ROBO1: variants seen among roughly 807,000 people sequenced by gnomAD.
ROBO1 encodes roundabout guidance receptor 1.
A neutral mutation model predicts 195.9 loss-of-function variants in ROBO1; 149 were observed. The observed-to-expected ratio is 0.76, with a 90% CI of 0.67 to 0.87. The LOEUF (loss-of-function observed/expected upper bound fraction) is 0.87, where lower values mean the gene tolerates loss of function less well. ROBO1 is among the 40% of genes least tolerant of loss of function. The pLI is 0.00. For missense variants in ROBO1, 1,933 were observed against 2,068.3 expected (o/e 0.93, Z 1.27); for synonymous variants, 816 against 733.2 (o/e 1.11, Z -1.82).
At chr3:79,482,359 T>C (rs1237431763) in intron 2 of ROBO1, among the ~76,000 whole-genome samples, 2 of 152,146 alleles carry the variant, frequency 1.3e-5, no homozygotes, top group African/African-American at 2.4e-5. Context: ...AGGGATCTGG[T>C]GGGAGATAAT....
intron 4 of ROBO1, among the ~76,000 whole-genome samples, chr3:78,900,529 T>C (rs1456853362): frequency 6.6e-6 from 1 of 152,288 alleles, no homozygotes; most frequent in Admixed American, 6.5e-5. Flanking sequence ...AAAATATTTA[T>C]GTTAACAAAT....
intron 4 of ROBO1, among the ~76,000 whole-genome samples, chr3:78,779,799 T>G (rs1258876768): frequency 6.6e-6 from 1 of 152,172 alleles, no homozygotes; most frequent in African/African-American, 2.4e-5. Flanking sequence ...TAAAGACATA[T>G]GCACACATAT....
chr3:78,717,865 T>C lies in ROBO1; in HGVS notation c.676A>G (p.Met226Val). 6.2e-7 allele frequency: 1 copy of C among 1,613,632 alleles called. No homozygotes were observed. Among genetic ancestry groups the C allele is most frequent in the Non-Finnish European group, 8.5e-7 (1 of 1,179,670 alleles). The change falls in exon 6 of 31, where the codon ATG becomes GTG. Residue 226 changes from methionine (M) to valine (V), a missense_variant. Met to Val is a conservative substitution (Grantham distance 21, BLOSUM62 1). Coordinates refer to ENST00000464233, the MANE Select transcript of ROBO1 (RefSeq NM_002941.4). ...TCACTTTTACGGGTGTAAGTGATCA[T>C]GAGCTTTCCTCCTCGTATCTTAAAA... is the stretch of plus-strand genomic sequence containing the variant. Reference protein sequence around the residue: ...ERITIRGGKLMITYTRKSDAG... With the variant: ...ERITIRGGKLVITYTRKSDAG...
chr3:78,926,574 A>C (rs1335282561), intron 4 of ROBO1, among the ~76,000 whole-genome samples: 1 of 152,186 alleles, frequency 6.6e-6, no homozygotes, highest in Non-Finnish European at 1.5e-5. Context: ...AGGAATGAGA[A>C]GCAAGATGAA....
At chr3:79,296,423 T>G (rs1031147308) in intron 2 of ROBO1, among the ~76,000 whole-genome samples, 7 of 151,868 alleles carry the variant, frequency 4.6e-5, no homozygotes, top group Non-Finnish European at 5.9e-5. Context: ...GTGTAGACTC[T>G]GCCATAGAAA....
At chr3:79,427,287 T>G (rs2038485671) in intron 2 of ROBO1, among the ~76,000 whole-genome samples, 1 of 152,134 alleles carries the variant, frequency 6.6e-6, no homozygotes, top group African/African-American at 2.4e-5. Context: ...GATGCTAACA[T>G]TTTCAGTTTA....
chr3:79,066,636 C>A (rs1218915642), intron 3 of ROBO1, among the ~76,000 whole-genome samples: 1 of 151,768 alleles, frequency 6.6e-6, no homozygotes, highest in African/African-American at 2.4e-5. Context: ...CTGATTTTAT[C>A]AGTGAAAACT....
intron 2 of ROBO1, among the ~76,000 whole-genome samples, chr3:79,277,458 T>A (rs1031995043): frequency 3.9e-5 from 6 of 151,934 alleles, no homozygotes; most frequent in African/African-American, 1.4e-4. Context: ...AGGATGATGG[T>A]TTTCAGAGGC....
At chr3:79,161,308 G>C (rs577516138) in intron 2 of ROBO1, among the ~76,000 whole-genome samples, 37 of 152,176 alleles carry the variant, frequency 2.4e-4, no homozygotes, top group African/African-American at 8.7e-4. Flanking sequence ...GAGTAAGAAA[G>C]AAATCCATGG....
At chr3:79,517,695 C>A (rs750300231) in intron 2 of ROBO1, among the ~76,000 whole-genome samples, 1 of 152,090 alleles carries the variant, frequency 6.6e-6, no homozygotes, top group Non-Finnish European at 1.5e-5. Context: ...TGAAAATATT[C>A]TTTTAGAATG....
intron 3 of ROBO1, among the ~76,000 whole-genome samples, chr3:79,096,557 CTG>C (rs1249227898): frequency 1.3e-5 from 2 of 151,484 alleles, no homozygotes; most frequent in Non-Finnish European, 1.5e-5. Flanking sequence ...TTCAGGCAAA[CTG>C]AAGGTTTTGG....
chr3:79,118,640 C>T (rs1033277118), intron 3 of ROBO1, among the ~76,000 whole-genome samples: 32 of 152,096 alleles, frequency 2.1e-4, no homozygotes, highest in Non-Finnish European at 3.8e-4. Context: ...GAGGCTGAGG[C>T]AGGTGGATCA....
At chr3:78,753,845 T>C (rs2082860331) in intron 4 of ROBO1, among the ~76,000 whole-genome samples, 1 of 152,216 alleles carries the variant, frequency 6.6e-6, no homozygotes, top group Non-Finnish European at 1.5e-5. Context: ...ATGGCTAAAA[T>C]CATATGTTCT....
chr3:79,471,150 C>A (rs1938250496), intron 2 of ROBO1, among the ~76,000 whole-genome samples: 2 of 151,960 alleles, frequency 1.3e-5, no homozygotes, highest in African/African-American at 4.8e-5. Flanking sequence ...ATACAAAAAT[C>A]AAATCAGAAA....
chr3:79,257,289 A>G (rs2082851854), intron 2 of ROBO1, among the ~76,000 whole-genome samples: 1 of 152,178 alleles, frequency 6.6e-6, no homozygotes, highest in South Asian at 2.1e-4. Flanking sequence ...TAGACAAAAG[A>G]GGGATTTATC....
Position 78,938,843 on chromosome 3 carries a change from G to A in ROBO1, c.257C>T (p.Thr86Ile), listed in dbSNP as rs1273653604. ...GCGGCCTTCAGCTTTGCAGTTCAAAGTTGCAGGTTCTCCTTTTGAGACAAT... is the reference window on the plus strand; with the variant it reads ...GCGGCCTTCAGCTTTGCAGTTCAAAATTGCAGGTTCTCCTTTTGAGACAAT... ...DLIVSKGEPA[T>I]LNCKAEGRPT... Residue 86 changes from threonine to isoleucine, a missense_variant, in exon 4 of 31, where the codon ACT becomes ATT. Coordinates refer to ENST00000464233, the MANE Select transcript of ROBO1 (RefSeq NM_002941.4). 6.2e-7 allele frequency: 1 copy of A among 1,613,998 alleles called. No homozygotes were observed. Among genetic ancestry groups the A allele is most frequent in the Non-Finnish European group, 8.5e-7 (1 of 1,179,898 alleles).
intron 1 of ROBO1, among the ~76,000 whole-genome samples, chr3:79,676,010 G>C (rs559768476): frequency 6.6e-6 from 1 of 151,938 alleles, no homozygotes; most frequent in Non-Finnish European, 1.5e-5. Flanking sequence ...CATATAAAAC[G>C]TAGTAACTTA....
intron 1 of ROBO1, among the ~76,000 whole-genome samples, chr3:79,659,622 C>A (rs68064297): frequency 0.016 from 2,170 of 132,640 alleles, 24 homozygotes; most frequent in Non-Finnish European, 0.025. Flanking sequence ...AAAAAAAAAA[C>A]ACAATATTTT....
At chr3:79,731,228 G>C (rs1334417365) in intron 1 of ROBO1, among the ~76,000 whole-genome samples, 1 of 152,180 alleles carries the variant, frequency 6.6e-6, no homozygotes, top group African/African-American at 2.4e-5. Flanking sequence ...TGTGAAGGCA[G>C]AATGAGTGCC....
Sources: allele counts gnomAD v4.1 joint callset (sites outside exome capture counted in the v4.1 genomes callset), GRCh38; gene constraint gnomAD v4.1.1; transcripts MANE v1.5; gene names NCBI Gene and HGNC (gene_info 2026-07-23, HGNC 2026-07-21).